Variants in C9orf85 observed in about 807,000 individuals in gnomAD.
The protein encoded by C9orf85 is chromosome 9 open reading frame 85.
In C9orf85, 16 loss-of-function variants were observed where a neutral mutation model predicts 14.9. That is an observed-to-expected ratio of 1.08 (90% CI 0.73 to 1.63). The LOEUF (loss-of-function observed/expected upper bound fraction) is 1.63, where lower values mean the gene tolerates loss of function less well. Ranked by LOEUF, C9orf85 falls within the 40% of genes most tolerant of loss-of-function variation. C9orf85 has a pLI of 0.00. For missense variants in C9orf85, 172 were observed against 186.1 expected (o/e 0.92, Z 0.44); for synonymous variants, 45 against 56.8 (o/e 0.79, Z 0.93).
intron 1 of C9orf85, 29 bp from the exon 2 acceptor site, chr9:71,946,977 C>A (rs1822108602): frequency 6.5e-7 from 1 of 1,529,542 alleles, no homozygotes; most frequent in East Asian, 2.3e-5. Context: ...GCGTGAAATT[C>A]TCAATTTGTC....
At chr9:71,935,549 T>G (rs902976760) in intron 1 of C9orf85, among the ~76,000 whole-genome samples, 1 of 150,956 alleles carries the variant, frequency 6.6e-6, no homozygotes, top group Non-Finnish European at 1.5e-5. Flanking sequence ...TCCCATACTT[T>G]GGGATACTGA....
At chr9:71,914,956 A>C (rs920614141) in intron 1 of C9orf85, among the ~76,000 whole-genome samples, 24 of 152,166 alleles carry the variant, frequency 1.6e-4, no homozygotes, top group Admixed American at 1.2e-3. Flanking sequence ...TGAGCAGATC[A>C]AGGCAGCCTT....
At chr9:71,944,286 T>G (rs1358217591) in intron 1 of C9orf85, among the ~76,000 whole-genome samples, 1 of 151,910 alleles carries the variant, frequency 6.6e-6, no homozygotes, top group Admixed American at 6.6e-5. Context: ...TAAGACGTTA[T>G]GTATATATTA....
chr9:71,920,156 T>G (rs1827758564), intron 1 of C9orf85, among the ~76,000 whole-genome samples: 1 of 152,174 alleles, frequency 6.6e-6, no homozygotes, highest in South Asian at 2.1e-4. Flanking sequence ...GCCTAAAGCA[T>G]GTTTCTTAAT....
downstream of C9orf85, among the ~76,000 whole-genome samples, chr9:71,977,400 GATTC>G (rs2132373824): frequency 6.6e-6 from 1 of 152,264 alleles, no homozygotes; most frequent in Admixed American, 6.5e-5. Context: ...ATCAAAAAAT[GATTC>G]ATTAGTAGTG....
At chr9:71,974,211 G>C (rs1352692199), downstream of C9orf85, among the ~76,000 whole-genome samples, 2 of 150,250 alleles carry the variant, frequency 1.3e-5, no homozygotes, top group Admixed American at 1.3e-4. Context: ...ACAGGTGTGA[G>C]CCACCATGCC....
At chr9:71,976,569 G>A (rs1398202762), downstream of C9orf85, among the ~76,000 whole-genome samples, 1 of 151,928 alleles carries the variant, frequency 6.6e-6, no homozygotes, top group African/African-American at 2.4e-5. Context: ...GGCTGAGGCA[G>A]GAGAATGGCA....
chr9:71,947,340 C>T (rs1822125912), intron 2 of C9orf85, among the ~76,000 whole-genome samples: 1 of 152,120 alleles, frequency 6.6e-6, no homozygotes, highest in South Asian at 2.1e-4. Context: ...CATAAATATG[C>T]ATCATTTTTA....
chr9:71,966,994 A>G (rs753191592), intron 2 of C9orf85, among the ~76,000 whole-genome samples: 7 of 152,216 alleles, frequency 4.6e-5, no homozygotes, highest in Admixed American at 3.9e-4. Context: ...CGTTTGTAAG[A>G]TGTTCAAAAT....
chr9:71,954,952 T>C (rs1822345924), intron 2 of C9orf85, among the ~76,000 whole-genome samples: 1 of 152,202 alleles, frequency 6.6e-6, no homozygotes, highest in East Asian at 1.9e-4. Flanking sequence ...CAAAGCTTTC[T>C]TGTAACTAAA....
At chr9:71,947,265 A>C (rs1296693489) in intron 2 of C9orf85, among the ~76,000 whole-genome samples, 153 bp downstream of exon 2, 1 of 152,168 alleles carries the variant, frequency 6.6e-6, no homozygotes, top group Non-Finnish European at 1.5e-5. Context: ...TTGTGTGCTG[A>C]ATCTTGGTTT....
chr9:71,922,062 T>C (rs1026926863), intron 1 of C9orf85, among the ~76,000 whole-genome samples: 3 of 152,024 alleles, frequency 2.0e-5, no homozygotes, highest in African/African-American at 7.2e-5. Flanking sequence ...TACCTCAGCC[T>C]CCCGAGTAGC....
intron 2 of C9orf85, 111 bp from the exon 3 acceptor site, chr9:71,971,394 C>G: frequency 1.9e-6 from 1 of 518,254 alleles, no homozygotes; most frequent in Non-Finnish European, 3.2e-6. Context: ...AAATTGAAAC[C>G]TAGGAATTTT....
chr9:71,952,063 T>C (rs1410802747), intron 2 of C9orf85, among the ~76,000 whole-genome samples: 1 of 152,090 alleles, frequency 6.6e-6, no homozygotes. Context: ...CAGATGAAAT[T>C]AGTTATTTTC....
downstream of C9orf85, chr9:71,985,375 T>A (rs1823191705): frequency 6.6e-6 from 1 of 152,222 alleles, no homozygotes; most frequent in Admixed American, 6.5e-5. Flanking sequence ...TTGCGTTAAA[T>A]AACAGACTTA....
chr9:71,919,786 A>G (rs1297973164), intron 1 of C9orf85, among the ~76,000 whole-genome samples: 1 of 151,256 alleles, frequency 6.6e-6, no homozygotes, highest in Non-Finnish European at 1.5e-5. Context: ...ATGCTTGGGG[A>G]TGTTCCATAT....
rs1057240238 is a variant in C9orf85 at position 71,944,111 on chromosome 9, G to C, written c.103-2895G>C. Among the ~76,000 whole-genome samples the C allele has an allele frequency of 1.4e-4, 22 of 151,816 alleles. No homozygotes were observed. The South Asian group carries it at 1.5e-3, about 10-fold the overall frequency. On this transcript the variant is annotated intron_variant, in intron 1 of 3. Transcript: ENST00000334731. Reference sequence around the variant, plus strand: ...TTAGCTGGCATGCTGGTGCACGCCTGTAATCCCAGCTGCTCAGGAGGCCGA... The same window carrying C: ...TTAGCTGGCATGCTGGTGCACGCCTCTAATCCCAGCTGCTCAGGAGGCCGA...
chr9:71,913,250 C>T (rs1251519301), intron 1 of C9orf85, among the ~76,000 whole-genome samples: 1 of 152,136 alleles, frequency 6.6e-6, no homozygotes. Context: ...CCTGTGATCT[C>T]CTTTTCCTTT....
chr9:71,958,256 A>T (rs1196378594), intron 2 of C9orf85, among the ~76,000 whole-genome samples: 2 of 71,148 alleles, frequency 2.8e-5, no homozygotes. Context: ...TTATATTTTT[A>T]TATATATAAA....
Sources: gnomAD v4.1 joint callset for allele counts (sites outside exome capture counted in the v4.1 genomes callset) on GRCh38, gnomAD v4.1.1 for gene constraint, MANE v1.5 for transcripts, NCBI Gene and HGNC (gene_info 2026-07-23, HGNC 2026-07-21) for gene names.